The following YWHAE variants were observed in gnomAD, a reference collection of about 807,000 sequenced individuals.
YWHAE encodes tyrosine 3-monooxygenase/tryptophan 5-monooxygenase activation protein epsilon.
A neutral mutation model predicts 30.1 loss-of-function variants in YWHAE; 4 were observed. That is an observed-to-expected ratio of 0.13 (90% CI 0.07 to 0.30). YWHAE has a LOEUF of 0.30. Ranked by LOEUF, YWHAE falls within the 10% of genes least tolerant of loss-of-function variation. The pLI, the probability that YWHAE is intolerant of heterozygous loss-of-function variation, is 1.00. For missense variants in YWHAE, 121 were observed against 315.9 expected (o/e 0.38, Z 4.68); for synonymous variants, 118 against 111.8 (o/e 1.06, Z -0.35).
intron 1 of YWHAE, among the ~76,000 whole-genome samples, chr17:1,395,840 C>T (rs751262680): frequency 3.3e-5 from 5 of 152,138 alleles, no homozygotes; most frequent in Non-Finnish European, 5.9e-5. Context: ...CAGCTCTCAG[C>T]GGGCTCAGTG....
At chr17:1,373,279 CAATT>C (rs1268429494) in intron 1 of YWHAE, among the ~76,000 whole-genome samples, 1 of 151,936 alleles carries the variant, frequency 6.6e-6, no homozygotes, top group African/African-American at 2.4e-5. Context: ...ACACATCTAT[CAATT>C]AATTTCCCTC....
At chr17:1,385,836 T>C (rs1331314573) in intron 1 of YWHAE, among the ~76,000 whole-genome samples, 1 of 152,006 alleles carries the variant, frequency 6.6e-6, no homozygotes, top group Non-Finnish European at 1.5e-5. Context: ...CCCAGCACTT[T>C]AGGAGGCCAA....
chr17:1,399,578 T>C, intron 1 of YWHAE: 1 of 188,386 alleles, frequency 5.3e-6, no homozygotes, highest in Non-Finnish European at 1.1e-5. Context: ...CCACCCGCCA[T>C]ATTTCCCTGA....
chr17:1,351,188 G>A (rs2072625683), intron 5 of YWHAE, among the ~76,000 whole-genome samples: 1 of 151,920 alleles, frequency 6.6e-6, no homozygotes, highest in Admixed American at 6.6e-5. Flanking sequence ...GTGGAACCCC[G>A]TCTCTATTAA....
chr17:1,394,184 T>C lies in YWHAE; in HGVS notation c.64+5863A>G, dbSNP rs1032919760. Among the ~76,000 whole-genome samples, 3 of 151,942 alleles carry C rather than the reference T, an allele frequency of 2.0e-5. No homozygotes were observed. In the East Asian group the frequency reaches 5.8e-4, roughly 29 times the overall value. On this transcript the variant is annotated intron_variant, in intron 1 of 5. Coordinates refer to ENST00000264335, the MANE Select transcript of YWHAE (RefSeq NM_006761.5). Reference sequence around the variant, plus strand: ...GATTAGCCACATGATCATAAAAAAATCTCTCTCTCAAACTCACTTTCTTGA... The same window carrying C: ...GATTAGCCACATGATCATAAAAAAACCTCTCTCTCAAACTCACTTTCTTGA...
At chr17:1,358,875 C>T (rs1044996220) in intron 4 of YWHAE, among the ~76,000 whole-genome samples, 27 of 149,612 alleles carry the variant, frequency 1.8e-4, no homozygotes, top group Non-Finnish European at 7.4e-5. Context: ...TGGCTCACAC[C>T]TGTAATCCCA....
chr17:1,367,245 C>G (rs2072959401), intron 1 of YWHAE, among the ~76,000 whole-genome samples: 4 of 152,132 alleles, frequency 2.6e-5, no homozygotes, highest in Non-Finnish European at 1.5e-5. Context: ...AAATGTGCAT[C>G]CAGAGGGGAA....
chr17:1,360,753 G>A (rs1036456432), intron 4 of YWHAE, among the ~76,000 whole-genome samples: 1 of 152,098 alleles, frequency 6.6e-6, no homozygotes, highest in African/African-American at 2.4e-5. Context: ...GAGACAGAGT[G>A]AGACATGGTC....
intron 1 of YWHAE, among the ~76,000 whole-genome samples, chr17:1,379,011 G>A (rs953689429): frequency 1.3e-5 from 2 of 151,790 alleles, no homozygotes; most frequent in African/African-American, 2.4e-5. Context: ...TTCTCAGATG[G>A]CTAACCTGAA....
At chr17:1,383,602 G>C (rs1179029500) in intron 1 of YWHAE, among the ~76,000 whole-genome samples, 2 of 151,350 alleles carry the variant, frequency 1.3e-5, no homozygotes, top group Non-Finnish European at 1.5e-5. Flanking sequence ...TGGCCAGGCT[G>C]GTCTTGAACT....
intron 1 of YWHAE, among the ~76,000 whole-genome samples, chr17:1,396,702 C>G (rs1430002583): frequency 6.6e-6 from 1 of 152,068 alleles, no homozygotes; most frequent in Non-Finnish European, 1.5e-5. Context: ...CTCGGCTCAC[C>G]GCAACCTCGG....
intron 1 of YWHAE, among the ~76,000 whole-genome samples, chr17:1,385,799 G>A (rs527519892): frequency 6.6e-6 from 1 of 152,184 alleles, no homozygotes; most frequent in Admixed American, 6.5e-5. Context: ...TATTCAGAGA[G>A]AAGCTGAGCC....
rs971184017 is a variant in YWHAE at position 1,357,880 on chromosome 17, T to C, written c.578+3212A>G. ...AGGCAGAGGTTGCAGTGAGCTGAGA[T>C]TGCACCACTGCACTCCAGCCTGGGA... is the stretch of plus-strand genomic sequence containing the variant. On this transcript the variant is annotated intron_variant, in intron 4 of 5. Coordinates refer to ENST00000264335, the MANE Select transcript of YWHAE (RefSeq NM_006761.5). Among the ~76,000 whole-genome samples the C allele has an allele frequency of 2.7e-5, 4 of 149,904 alleles. No individual in the cohort carries two copies. The East Asian group carries it at 5.9e-4, about 22-fold the overall frequency.
chr17:1,397,833 C>G (rs2073497652), intron 1 of YWHAE, among the ~76,000 whole-genome samples: 1 of 152,138 alleles, frequency 6.6e-6, no homozygotes, highest in Non-Finnish European at 1.5e-5. Flanking sequence ...CCTTATGCCC[C>G]AAGTCACAGC....
rs1240520584 is a variant in YWHAE, at chr17:1,344,526, T to C, written c.*921A>G. 4.9e-6 allele frequency: 1 copy of C among 203,680 alleles called. No individual in the cohort carries two copies. Among genetic ancestry groups the C allele is most frequent in the East Asian group, 7.4e-5 (1 of 13,430 alleles). 12.6% of individuals were successfully genotyped at this position (203,680 alleles called of 1,614,324 possible). ...GATTTTATTTTAGAAGTATAAAGGA[T>C]GGAGGCGCGATATTTGGCATTTTTA... On this transcript the variant is annotated 3_prime_UTR_variant, in exon 6 of 6. Transcript: ENST00000264335.
chr17:1,393,705 G>A (rs1227441251), intron 1 of YWHAE, among the ~76,000 whole-genome samples: 1 of 152,188 alleles, frequency 6.6e-6, no homozygotes, highest in African/African-American at 2.4e-5. Context: ...TGCTGGGATT[G>A]CAGGTGTTTG....
intron 1 of YWHAE, 35 bp downstream of exon 1, chr17:1,400,012 G>C (rs1436329137): frequency 6.2e-7 from 1 of 1,612,610 alleles, no homozygotes; most frequent in Non-Finnish European, 8.5e-7. Flanking sequence ...CAGAGGGTCC[G>C]AGAATTCCAG....
At chr17:1,354,386 C>T (rs1284523533) in intron 4 of YWHAE, 39 bp from the exon 5 acceptor site, 1 of 1,595,020 alleles carries the variant, frequency 6.3e-7, no homozygotes, top group Non-Finnish European at 8.5e-7. Context: ...AAAATTAAGT[C>T]CAAAATCAGA....
intron 1 of YWHAE, among the ~76,000 whole-genome samples, chr17:1,378,374 C>A (rs1300911576): frequency 6.6e-6 from 1 of 152,218 alleles, no homozygotes; most frequent in Non-Finnish European, 1.5e-5. Flanking sequence ...GCTTGACAAT[C>A]ACTAAACATA....
Sources: allele counts gnomAD v4.1 joint callset (sites outside exome capture counted in the v4.1 genomes callset), GRCh38; gene constraint gnomAD v4.1.1; transcripts MANE v1.5; gene names NCBI Gene and HGNC (gene_info 2026-07-23, HGNC 2026-07-21).